The following PCDH15 variants were observed in gnomAD, a reference collection of about 807,000 sequenced individuals.
The protein encoded by PCDH15 is protocadherin related 15.
In PCDH15, 129 loss-of-function variants were observed where a neutral mutation model predicts 178.5. The observed-to-expected ratio is 0.72, with a 90% confidence interval of 0.63 to 0.84. The LOEUF (loss-of-function observed/expected upper bound fraction) is 0.84. Among genes scored for constraint, PCDH15 ranks in the 40% least tolerant of loss-of-function variants. The pLI is 0.00. For synonymous variants in PCDH15, 800 were observed against 732.0 expected, an observed-to-expected ratio of 1.09 and a Z score of -1.50; for missense variants, 2,230 against 2,099.9, an observed-to-expected ratio of 1.06 and a Z score of -1.21.
chr10:53,841,403 TA>T (rs1280634939), intron 28 of PCDH15, among the ~76,000 whole-genome samples: 1 of 152,160 alleles, frequency 6.6e-6, no homozygotes, highest in Non-Finnish European at 1.5e-5. Flanking sequence ...AGAAGGGCAA[TA>T]TATTCTAAAG....
At chr10:54,893,002 C>T (rs1008534443) in intron 3 of PCDH15, among the ~76,000 whole-genome samples, 1 of 151,894 alleles carries the variant, frequency 6.6e-6, no homozygotes, top group African/African-American at 2.4e-5. Context: ...ACTTTTCAAA[C>T]ATTCATGACA....
chr10:54,106,321 C>T (rs1008323603), intron 15 of PCDH15, among the ~76,000 whole-genome samples: 2 of 152,290 alleles, frequency 1.3e-5, no homozygotes, highest in East Asian at 1.9e-4. Context: ...AATTATTCCA[C>T]AGAGATGATG....
intron 26 of PCDH15, among the ~76,000 whole-genome samples, chr10:53,872,361 C>A (rs1463689428): frequency 1.3e-5 from 2 of 152,298 alleles, no homozygotes; most frequent in East Asian, 3.9e-4. Flanking sequence ...ATATATTAAA[C>A]TTTCATGTCT....
chr10:54,883,480 G>A (rs562560784), intron 3 of PCDH15, among the ~76,000 whole-genome samples: 10 of 151,886 alleles, frequency 6.6e-5, no homozygotes, highest in Non-Finnish European at 1.3e-4. Context: ...TTTCCTCCAG[G>A]TGACATGAAA....
At chr10:54,515,232 A>C (rs1413585257) in intron 3 of PCDH15, among the ~76,000 whole-genome samples, 1 of 152,226 alleles carries the variant, frequency 6.6e-6, no homozygotes, top group Non-Finnish European at 1.5e-5. Flanking sequence ...TAGTCAAAGA[A>C]AGGGGTGACA....
intron 2 of PCDH15, among the ~76,000 whole-genome samples, chr10:54,954,795 T>C (rs1346229449): frequency 6.6e-6 from 1 of 151,274 alleles, no homozygotes; most frequent in Admixed American, 6.6e-5. Context: ...GTTGGGACTA[T>C]AAAGAAGGAA....
intron 3 of PCDH15, among the ~76,000 whole-genome samples, chr10:54,385,773 T>C (rs1321161972): frequency 5.3e-5 from 8 of 152,166 alleles, no homozygotes; most frequent in African/African-American, 1.7e-4. Context: ...ACTAACTAAA[T>C]TAAATAAGAT....
At chr10:54,853,318 T>TATATATAC (rs1194965974) in intron 3 of PCDH15, among the ~76,000 whole-genome samples, 1,747 of 101,672 alleles carry the variant, frequency 0.017, 28 homozygotes, top group Admixed American at 0.036. Flanking sequence ...TATATATATA[T>TATATATAC]ACATACACAC....
At chr10:54,806,165 T>G (rs1201396588), upstream of PCDH15, among the ~76,000 whole-genome samples, 1 of 152,226 alleles carries the variant, frequency 6.6e-6, no homozygotes, top group African/African-American at 2.4e-5. Context: ...GAGAAGAATT[T>G]AGACTTTACA....
At position 55,483,971 on chromosome 10, in the gene PCDH15, T is replaced by A. The variant is rs899940765; in HGVS notation, c.-156+143654A>T. On this transcript the variant is annotated intron_variant, in intron 2 of 5. Transcript: ENST00000613346. ...TACACCATGGAATAATACGCATACA[T>A]AAAAATGAATGACATCGTGTCCTTT... Among the ~76,000 whole-genome samples the A allele has an allele frequency of 4.8e-4, 73 of 151,734 alleles. 1 individual carries two copies. The highest frequency in any genetic ancestry group is 1.3e-4 in the Admixed American group (2 of 15,186).
chr10:55,115,320 G>T (rs934467994), intron 2 of PCDH15, among the ~76,000 whole-genome samples: 1 of 152,170 alleles, frequency 6.6e-6, no homozygotes, highest in African/African-American at 2.4e-5. Context: ...TTTGACACTG[G>T]TAGCATCTAT....
intron 2 of PCDH15, among the ~76,000 whole-genome samples, chr10:54,921,996 A>G (rs1435555999): frequency 2.0e-5 from 3 of 152,178 alleles, no homozygotes; most frequent in African/African-American, 4.8e-5. Context: ...CTCACTCACT[A>G]TCATGAGATG....
intron 2 of PCDH15, among the ~76,000 whole-genome samples, chr10:55,527,422 C>G (rs1209195443): frequency 6.6e-6 from 1 of 151,894 alleles, no homozygotes; most frequent in African/African-American, 2.4e-5. Context: ...TGTCTATGTC[C>G]AAAGTACTCC....
chr10:55,454,586 G>A (rs1839508395), intron 2 of PCDH15, among the ~76,000 whole-genome samples: 1 of 148,146 alleles, frequency 6.8e-6, no homozygotes, highest in South Asian at 2.1e-4. Context: ...GATCATCCTG[G>A]CTAACACAGT....
At chr10:54,051,780 C>A (rs1225338228) in intron 18 of PCDH15, among the ~76,000 whole-genome samples, 1 of 152,118 alleles carries the variant, frequency 6.6e-6, no homozygotes, top group African/African-American at 2.4e-5. Context: ...TATCAGAGAC[C>A]TGCACAGCAT....
At chr10:53,963,837 T>A (rs1403017349) in intron 21 of PCDH15, among the ~76,000 whole-genome samples, 1 of 152,204 alleles carries the variant, frequency 6.6e-6, no homozygotes, top group Non-Finnish European at 1.5e-5. Context: ...CTGTGTTTTC[T>A]GTAGTAGACT....
chr10:54,645,392 G>T (rs1744792207), intron 2 of PCDH15, among the ~76,000 whole-genome samples: 1 of 151,946 alleles, frequency 6.6e-6, no homozygotes. Flanking sequence ...ACAAGAAAAT[G>T]AAGAATGGAG....
chr10:53,993,542 T>C (rs940518056), intron 21 of PCDH15, among the ~76,000 whole-genome samples: 2 of 152,164 alleles, frequency 1.3e-5, no homozygotes, highest in African/African-American at 4.8e-5. Context: ...TTTCTTCTAA[T>C]TAATAAACAT....
chr10:55,415,296 A>C (rs1434146163), intron 2 of PCDH15, among the ~76,000 whole-genome samples: 3 of 151,670 alleles, frequency 2.0e-5, no homozygotes. Flanking sequence ...TCAGAGTAGA[A>C]ATCCTACAGA....
Sources: gnomAD v4.1 joint callset for allele counts (sites outside exome capture counted in the v4.1 genomes callset) on GRCh38, gnomAD v4.1.1 for gene constraint, MANE v1.5 for transcripts, NCBI Gene and HGNC (gene_info 2026-07-23, HGNC 2026-07-21) for gene names.